The following KALRN variants were observed in gnomAD, a reference collection of about 807,000 sequenced individuals.
KALRN encodes the protein kalirin RhoGEF kinase, also known as kalirin.
KALRN carries 70 observed loss-of-function variants against 353.7 expected under a neutral mutation model. That is an observed-to-expected ratio of 0.20 (90% CI 0.16 to 0.24). The LOEUF (loss-of-function observed/expected upper bound fraction) is 0.24. KALRN is among the 10% of genes least tolerant of loss of function. The pLI, the probability that KALRN is intolerant of heterozygous loss-of-function variation, is 1.00. For missense variants in KALRN, 2,791 were observed against 3,756.7 expected (o/e 0.74, Z 6.72); for synonymous variants, 1,391 against 1,434.8 (o/e 0.97, Z 0.69).
At chr3:124,451,058 CTTA>C (rs1295426127) in intron 21 of KALRN, among the ~76,000 whole-genome samples, 1 of 151,874 alleles carries the variant, frequency 6.6e-6, no homozygotes, top group Non-Finnish European at 1.5e-5. Context: ...ATCAATATTC[CTTA>C]TTATTATCTC....
Position 124,263,390 on chromosome 3 carries a change from C to T in KALRN, c.264-1108C>T, listed in dbSNP as rs191228126. On this transcript the variant is annotated intron_variant, in intron 3 of 59. Transcript: ENST00000682506. ...TCTCTGAGTGATCAGCATGACTCAG[C>T]GATCTGATTTTTTAAGCTGACTTAC... is the stretch of plus-strand genomic sequence containing the variant. 1.7e-3 allele frequency among the ~76,000 whole-genome samples: 255 copies of T among 152,272 alleles called. 1 individual carries two copies. Among genetic ancestry groups the T allele is most frequent in the South Asian group, 7.3e-3 (35 of 4,826 alleles).
At chr3:124,427,561 G>C (rs766376419) in intron 15 of KALRN, among the ~76,000 whole-genome samples, 1 of 152,184 alleles carries the variant, frequency 6.6e-6, no homozygotes, top group Non-Finnish European at 1.5e-5. Context: ...CACCATTTGT[G>C]GATATCCACA....
intron 1 of KALRN, among the ~76,000 whole-genome samples, chr3:124,197,371 T>C (rs2075547318): frequency 6.6e-6 from 1 of 152,212 alleles, no homozygotes; most frequent in South Asian, 2.1e-4. Flanking sequence ...GCTTCTGGCC[T>C]CTGGAAGCAA....
intron 21 of KALRN, among the ~76,000 whole-genome samples, chr3:124,449,074 C>T (rs1170070126): frequency 6.6e-6 from 1 of 152,196 alleles, no homozygotes; most frequent in East Asian, 1.9e-4. Flanking sequence ...AGGCAGCAGC[C>T]TCCTGCCCCA....
intron 1 of KALRN, among the ~76,000 whole-genome samples, chr3:124,184,981 A>T (rs536571161): frequency 1.3e-5 from 2 of 152,110 alleles, no homozygotes; most frequent in South Asian, 2.1e-4. Flanking sequence ...GCTAGCAACC[A>T]TCTTAATTTC....
chr3:124,579,893 G>T (rs1426520696), intron 34 of KALRN, among the ~76,000 whole-genome samples: 1 of 152,130 alleles, frequency 6.6e-6, no homozygotes, highest in Non-Finnish European at 1.5e-5. Flanking sequence ...GCCACACCCA[G>T]GTCATGGGCT....
At chr3:124,264,184 C>T (rs771790040) in intron 3 of KALRN, among the ~76,000 whole-genome samples, 2 of 152,060 alleles carry the variant, frequency 1.3e-5, no homozygotes, top group Admixed American at 1.3e-4. Context: ...TGTTGACCCT[C>T]TTAAAGTTTC....
chr3:124,416,688 G>A (rs550170977), intron 14 of KALRN, among the ~76,000 whole-genome samples: 1 of 152,386 alleles, frequency 6.6e-6, no homozygotes, highest in African/African-American at 2.4e-5. Context: ...GGAGGGTGGG[G>A]ATGGGGTAAG....
chr3:124,068,718 C>T (rs994468611), intron 1 of KALRN, among the ~76,000 whole-genome samples: 2 of 152,128 alleles, frequency 1.3e-5, no homozygotes, highest in African/African-American at 4.8e-5. Context: ...ACACCCTTTC[C>T]CCAGCAGTTG....
At chr3:124,524,672 A>G (rs1336593978) in intron 33 of KALRN, among the ~76,000 whole-genome samples, 1 of 152,218 alleles carries the variant, frequency 6.6e-6, no homozygotes, top group African/African-American at 2.4e-5. Context: ...TAGAGAACCC[A>G]TAAGAAAGAT....
intron 1 of KALRN, among the ~76,000 whole-genome samples, chr3:124,179,452 C>T (rs749586037): frequency 3.3e-5 from 5 of 152,216 alleles, no homozygotes; most frequent in Non-Finnish European, 7.3e-5. Flanking sequence ...AACAATGCTT[C>T]CATCTAGAAT....
chr3:124,560,087 G>A (rs2071780269), intron 33 of KALRN, among the ~76,000 whole-genome samples: 1 of 152,246 alleles, frequency 6.6e-6, no homozygotes, highest in Admixed American at 6.5e-5. Flanking sequence ...TAGAGAGACA[G>A]AAGCCTGATT....
At chr3:124,511,766 C>T (rs976407622) in intron 33 of KALRN, among the ~76,000 whole-genome samples, 3 of 152,208 alleles carry the variant, frequency 2.0e-5, no homozygotes, top group Non-Finnish European at 4.4e-5. Flanking sequence ...AACTATACTG[C>T]ATCACTGTGT....
chr3:124,334,221 C>A lies in KALRN; in HGVS notation c.1417-44C>A. Reference sequence around the variant, plus strand: ...CTTCCTGCTTCTCTCTGTGCCCTGCCTATCACCCTTTTCCCTTAACTTAAA... The same window carrying A: ...CTTCCTGCTTCTCTCTGTGCCCTGCATATCACCCTTTTCCCTTAACTTAAA... On this transcript the variant is annotated intron_variant, in intron 8 of 59. Coordinates refer to ENST00000682506, the MANE Select transcript of KALRN (RefSeq NM_001388419.1). The surrounding 1 kb of genome is among the most constrained non-coding windows in gnomAD (Gnocchi z 4.2). The A allele has an allele frequency of 6.6e-7, 1 of 1,522,128 alleles. No individual in the cohort carries two copies. Among genetic ancestry groups the A allele is most frequent in the African/African-American group, 1.4e-5 (1 of 73,288 alleles). 94.3% of individuals were successfully genotyped at this position (1,522,128 alleles called of 1,614,324 possible). A position where few individuals can be genotyped will look rare whatever the true frequency, so the allele number is the denominator to read the frequency against.
intron 1 of KALRN, among the ~76,000 whole-genome samples, chr3:124,128,939 C>T (rs911445384): frequency 2.0e-5 from 3 of 152,054 alleles, no homozygotes; most frequent in Admixed American, 6.6e-5. Flanking sequence ...TATCTCTGCA[C>T]AGGGATAGAA....
At chr3:124,047,024 T>G (rs1053245140) in intron 1 of KALRN, among the ~76,000 whole-genome samples, 1 of 151,750 alleles carries the variant, frequency 6.6e-6, no homozygotes, top group Non-Finnish European at 1.5e-5. Context: ...AATTCTGCTT[T>G]AAACAAAAGA....
chr3:124,406,174 C>T (rs1271797600), intron 13 of KALRN, among the ~76,000 whole-genome samples: 2 of 152,162 alleles, frequency 1.3e-5, no homozygotes, highest in East Asian at 3.8e-4. Flanking sequence ...AAATTTCTTA[C>T]AATATTCCCA....
chr3:124,066,773 G>A (rs939528743), intron 1 of KALRN, among the ~76,000 whole-genome samples: 2 of 152,172 alleles, frequency 1.3e-5, no homozygotes, highest in African/African-American at 4.8e-5. Context: ...TCAGCCGGCT[G>A]GAGAAGGACA....
chr3:124,052,843 A>C (rs1384268411), intron 1 of KALRN, among the ~76,000 whole-genome samples: 1 of 152,158 alleles, frequency 6.6e-6, no homozygotes, highest in Non-Finnish European at 1.5e-5. Context: ...AGATGATTGA[A>C]TGGCATTTGG....
Sources: allele counts gnomAD v4.1 joint callset (sites outside exome capture counted in the v4.1 genomes callset), GRCh38; gene constraint gnomAD v4.1.1; non-coding constraint Gnocchi (gnomAD v3.1); transcripts MANE v1.5; gene names NCBI Gene and HGNC (gene_info 2026-07-23, HGNC 2026-07-21).